MAP3K3: variants seen among roughly 807,000 people sequenced by gnomAD.
MAP3K3 encodes MAP/ERK kinase kinase 3.
Under a neutral mutation model 80.9 loss-of-function variants are expected in MAP3K3, and 12 were observed. The ratio of observed to expected loss-of-function variants is 0.15; its 90% CI spans 0.10 to 0.24. The LOEUF is 0.24. MAP3K3 is among the 10% of genes least tolerant of loss of function. The probability of loss-of-function intolerance (pLI) is 1.00; values close to 1 mark genes in which losing one functional copy is unlikely to be tolerated. For synonymous variants in MAP3K3, 272 were observed against 307.1 expected (o/e 0.89, Z 1.19); for missense variants, 596 against 834.7 (o/e 0.71, Z 3.52).
chr17:63,695,740 C>G lies in MAP3K3; in HGVS notation c.*1963C>G, dbSNP rs538616546. The stretch of plus-strand genomic sequence containing the variant: ...TGTGCGTCCCAGGTTCAGGGTCTTA[C>G]AGAGCTCCACCCCCTGGGGTCTTAC... On this transcript the variant is annotated 3_prime_UTR_variant, in exon 16 of 16. Coordinates refer to ENST00000361733, the MANE Select transcript of MAP3K3 (RefSeq NM_002401.5). The surrounding 1 kb of genome is among the most constrained non-coding windows in gnomAD (Gnocchi z 4.1). 6.6e-6 allele frequency: 1 copy of G among 152,588 alleles called. No homozygotes were observed. Among genetic ancestry groups the G allele is most frequent in the South Asian group, 2.1e-4 (1 of 4,830 alleles). The allele number at this position is 152,588 out of a possible 1,614,324, so 9.5% of individuals were successfully genotyped here. A position where few individuals can be genotyped will look rare whatever the true frequency, so the allele number is the denominator to read the frequency against.
chr17:63,662,960 C>T (rs9909507), intron 5 of MAP3K3, among the ~76,000 whole-genome samples: 5,212 of 151,144 alleles, frequency 0.034, 319 homozygotes, highest in African/African-American at 0.12. Context: ...CAGTTGTGAG[C>T]CACCACGCCC....
Position 63,689,320 on chromosome 17 carries a change from CT to C in MAP3K3, c.872-220del, listed in dbSNP as rs1186240004. ...GAACCAGACTACTTCCTAATTTCTG[CT>C]TTTGTCCTGATTCTTGGAGTGCTTG... On this transcript the variant is annotated intron_variant, in intron 10 of 15. Coordinates refer to ENST00000361733, the MANE Select transcript of MAP3K3 (RefSeq NM_002401.5). This position sits in a 1 kb window ranked among gnomAD's most constrained non-coding sequence, Gnocchi z 4.3. 3.5e-6 allele frequency: 2 copies of C among 571,536 alleles called. No homozygotes were observed. Among genetic ancestry groups the C allele is most frequent in the East Asian group, 5.8e-5 (2 of 34,656 alleles). 35.4% of individuals were successfully genotyped at this position (571,536 alleles called of 1,614,324 possible). A position where few individuals can be genotyped will look rare whatever the true frequency, so the allele number is the denominator to read the frequency against.
chr17:63,623,587 CTAAGGAAAGCTTT>C (rs1005138200), intron 1 of MAP3K3, among the ~76,000 whole-genome samples: 1 of 152,186 alleles, frequency 6.6e-6, no homozygotes, highest in Non-Finnish European at 1.5e-5. Context: ...AAGATGTAAT[CTAAGGAAAGCTTT>C]TAATGTCTTC....
chr17:63,622,519 G>A lies in MAP3K3; in HGVS notation c.-241G>A, dbSNP rs1282783329. On this transcript the variant is annotated 5_prime_UTR_variant, in exon 1 of 16. Coordinates refer to ENST00000361733, the MANE Select transcript of MAP3K3 (RefSeq NM_002401.5). ...GGGCCGAGCGGCGCCGCCGAGGCCGGGCTGGGCCGAGCCCAGGAGCGCCCG... is the reference window on the plus strand; with the variant it reads ...GGGCCGAGCGGCGCCGCCGAGGCCGAGCTGGGCCGAGCCCAGGAGCGCCCG... 1 of 153,078 alleles carries A rather than the reference G, an allele frequency of 6.5e-6. No individual in the cohort carries two copies. Among genetic ancestry groups the A allele is most frequent in the African/African-American group, 2.4e-5 (1 of 41,326 alleles). The allele number at this position is 153,078 out of a possible 1,614,324, so 9.5% of individuals were successfully genotyped here. A position where few individuals can be genotyped will look rare whatever the true frequency, so the allele number is the denominator to read the frequency against.
Position 63,692,105 on chromosome 17 carries a change from C to A in MAP3K3, c.1475-137C>A. ...ATCTGAGACTCCCCTTTGCTAAATC[C>A]TTTGCCCTTTGCAGTTCATGTCTAA... On this transcript the variant is annotated intron_variant, in intron 14 of 15. Transcript: ENST00000361733. The surrounding 1 kb of genome is among the most constrained non-coding windows in gnomAD (Gnocchi z 4.5). The A allele has an allele frequency of 9.5e-7, 1 of 1,054,956 alleles. No homozygotes were observed. The highest frequency in any genetic ancestry group is 1.4e-6 in the Non-Finnish European group (1 of 716,128). 65.3% of individuals were successfully genotyped at this position (1,054,956 alleles called of 1,614,324 possible).
At position 63,691,853 on chromosome 17, in the gene MAP3K3, G is replaced by A; in HGVS notation, c.1465G>A (p.Asp489Asn). 1 of 1,614,006 alleles carries A rather than the reference G, an allele frequency of 6.2e-7. No homozygotes were observed. The highest frequency in any genetic ancestry group is 8.5e-7 in the Non-Finnish European group (1 of 1,179,916). Residue 489 changes from aspartate to asparagine, a missense_variant, in exon 14 of 16, where the codon GAC becomes AAC. By Grantham distance (23) the Asp-to-Asn change is conservative (BLOSUM62 1). This residue lies in a region of MAP3K3 where 364 missense variants were observed against 588.9 expected (regional missense o/e 0.62). Coordinates refer to ENST00000361733, the MANE Select transcript of MAP3K3 (RefSeq NM_002401.5). The surrounding 1 kb of genome is among the most constrained non-coding windows in gnomAD (Gnocchi z 4.8). Reference sequence around the variant, plus strand: ...GCACAGCAACATGATTGTTCACCGGGACATTAAGGGTGAGCAGGGCCAGGA... The same window carrying A: ...GCACAGCAACATGATTGTTCACCGGAACATTAAGGGTGAGCAGGGCCAGGA... The part of the protein sequence containing the change: ...YLHSNMIVHR[D>N]IKGANILRDS...
Position 63,692,105 on chromosome 17 carries a change from C to T in MAP3K3, c.1475-137C>T. The T allele has an allele frequency of 9.5e-7, 1 of 1,054,962 alleles. No homozygotes were observed. The highest frequency in any genetic ancestry group is 1.4e-6 in the Non-Finnish European group (1 of 716,134). The allele number at this position is 1,054,962 out of a possible 1,614,324, so 65.4% of individuals were successfully genotyped here. ...ATCTGAGACTCCCCTTTGCTAAATCCTTTGCCCTTTGCAGTTCATGTCTAA... is the reference window on the plus strand; with the variant it reads ...ATCTGAGACTCCCCTTTGCTAAATCTTTTGCCCTTTGCAGTTCATGTCTAA... On this transcript the variant is annotated intron_variant, in intron 14 of 15. Transcript: ENST00000361733. This position sits in a 1 kb window ranked among gnomAD's most constrained non-coding sequence, Gnocchi z 4.5.
chr17:63,628,410 G>A (rs560612117), intron 1 of MAP3K3, among the ~76,000 whole-genome samples: 1 of 149,932 alleles, frequency 6.7e-6, no homozygotes, highest in Non-Finnish European at 1.5e-5. Flanking sequence ...GCCCAGGCTG[G>A]AGTGCAATGG....
chr17:63,684,591 TGGA>T (rs1380381494), intron 7 of MAP3K3, among the ~76,000 whole-genome samples: 1 of 152,222 alleles, frequency 6.6e-6, no homozygotes, highest in East Asian at 1.9e-4. Context: ...ACTAATTTTA[TGGA>T]GGTCGTTAGT....
At chr17:63,687,809 G>A (rs1428040892) in intron 8 of MAP3K3, among the ~76,000 whole-genome samples, 8 of 146,292 alleles carry the variant, frequency 5.5e-5, no homozygotes, top group Admixed American at 3.4e-4. Flanking sequence ...CCAGTGGCGC[G>A]TGCCTGTAGT....
At chr17:63,640,652 C>T (rs2034421252) in intron 2 of MAP3K3, among the ~76,000 whole-genome samples, 1 of 152,086 alleles carries the variant, frequency 6.6e-6, no homozygotes, top group African/African-American at 2.4e-5. Flanking sequence ...ATTAGGATAG[C>T]TTCGATAAAA....
At chr17:63,674,398 C>G (rs2035174186) in intron 6 of MAP3K3, among the ~76,000 whole-genome samples, 1 of 152,142 alleles carries the variant, frequency 6.6e-6, no homozygotes, top group Admixed American at 6.5e-5. Context: ...AACCCCATCT[C>G]TCTGTCACCC....
rs7206999 is a variant in MAP3K3 at position 63,656,308 on chromosome 17, G to A, written c.268-1486G>A. Among the ~76,000 whole-genome samples, 1,349 of 151,862 alleles carry A rather than the reference G, an allele frequency of 8.9e-3. 22 individuals are homozygous for A. Among genetic ancestry groups the A allele is most frequent in the African/African-American group, 0.03 (1,252 of 41,410 alleles). On this transcript the variant is annotated intron_variant, in intron 4 of 15. Transcript: ENST00000361733. ...TTGCTTGATTTTGTGTTTACCATAC[G>A]TGTATAAAATCTGACCAGGCGTGGT...
chr17:63,671,018 T>C (rs2035096103), intron 6 of MAP3K3, among the ~76,000 whole-genome samples: 1 of 152,098 alleles, frequency 6.6e-6, no homozygotes, highest in African/African-American at 2.4e-5. Flanking sequence ...ACAGTGTGGA[T>C]AACAGATTGG....
chr17:63,634,200 A>T (rs1301605346), intron 2 of MAP3K3, among the ~76,000 whole-genome samples: 1 of 152,190 alleles, frequency 6.6e-6, no homozygotes, highest in African/African-American at 2.4e-5. Context: ...CACTTTTCGA[A>T]GGAGCATTTT....
Position 63,688,873 on chromosome 17 carries a change from A to G in MAP3K3, c.863A>G (p.Tyr288Cys). Residue 288 changes from tyrosine (Y) to cysteine (C), a missense_variant, in exon 10 of 16, where the codon TAC (tyrosine) becomes TGC (cysteine). Coordinates refer to ENST00000361733, the MANE Select transcript of MAP3K3 (RefSeq NM_002401.5). ...CACGTGTCTGTGCACCACAAGGACT[A>G]CAGTGATGGTGAGTTCTTCTTCACC... ...RYHVSVHHKD[Y>C]SDGRRTFPRI... is the part of the protein sequence containing the mutation. 6.2e-7 allele frequency: 1 copy of G among 1,612,858 alleles called. No individual in the cohort carries two copies. Among genetic ancestry groups the G allele is most frequent in the Non-Finnish European group, 8.5e-7 (1 of 1,178,784 alleles).
At chr17:63,635,192 G>A (rs2034298175) in intron 2 of MAP3K3, among the ~76,000 whole-genome samples, 1 of 152,218 alleles carries the variant, frequency 6.6e-6, no homozygotes, top group Non-Finnish European at 1.5e-5. Flanking sequence ...TATGCACTAT[G>A]TAAGGGACTG....
intron 2 of MAP3K3, among the ~76,000 whole-genome samples, chr17:63,637,467 A>G (rs1209470363): frequency 1.3e-5 from 2 of 152,354 alleles, no homozygotes; most frequent in East Asian, 3.9e-4. Flanking sequence ...TATAGACTTA[A>G]TACTCACTGT....
chr17:63,659,074 G>A (rs2034831548), intron 5 of MAP3K3, among the ~76,000 whole-genome samples: 1 of 152,060 alleles, frequency 6.6e-6, no homozygotes. Context: ...GTCTCACTGT[G>A]TTGCCCAGGC....
Sources: gnomAD v4.1 joint callset for allele counts (sites outside exome capture counted in the v4.1 genomes callset) on GRCh38, gnomAD v4.1.1 for gene constraint, gnomAD v4.1.1 regional missense constraint, Gnocchi (gnomAD v3.1) non-coding constraint, MANE v1.5 for transcripts, NCBI Gene and HGNC (gene_info 2026-07-23, HGNC 2026-07-21) for gene names.